Variants in KLK3 observed in about 807,000 individuals in gnomAD.
The protein encoded by KLK3 is kallikrein related peptidase 3.
KLK3 carries 23 observed loss-of-function variants against 27.7 expected under a neutral mutation model. The ratio of observed to expected loss-of-function variants is 0.83; its 90% CI spans 0.60 to 1.17. The LOEUF (loss-of-function observed/expected upper bound fraction) is 1.17, where lower values mean the gene tolerates loss of function less well. Ranked by LOEUF, KLK3 falls within the 50% of genes most tolerant of loss-of-function variation. KLK3 has a pLI of 0.00. For synonymous variants in KLK3, 142 were observed against 134.2 expected, an observed-to-expected ratio of 1.06 and a Z score of -0.40; for missense variants, 322 against 338.1, an observed-to-expected ratio of 0.95 and a Z score of 0.37.
At position 50,860,053 on chromosome 19, in the gene KLK3, G is replaced by A. The variant is rs372901531; in HGVS notation, c.712G>A (p.Glu238Lys). ...SWGSEPCALPERPSLYTKVVH... is the reference protein window; with the variant it reads ...SWGSEPCALPKRPSLYTKVVH... ...GGGCAGTGAACCATGTGCCCTGCCC[G>A]AAAGGCCTTCCCTGTACACCAAGGT... is the stretch of plus-strand genomic sequence containing the variant. The change falls in exon 5 of 5, where the codon GAA becomes AAA. Residue 238 changes from glutamate (E) to lysine (K), a missense_variant. Physicochemically the swap from Glu to Lys is moderately conservative, Grantham distance 56 (BLOSUM62 1). Transcript: ENST00000326003. The A allele has an allele frequency of 3.3e-5, 54 of 1,614,076 alleles. No homozygotes were observed. In the South Asian group the frequency reaches 3.5e-4, roughly 11 times the overall value.
chr19:50,856,489 A>G, intron 2 of KLK3, 90 bp downstream of exon 2: 2 of 1,490,190 alleles, frequency 1.3e-6, no homozygotes, highest in Non-Finnish European at 1.8e-6. Context: ...CTCTAAGGCC[A>G]GCCTTGGGAC....
At chr19:50,858,360 G>A (rs778302058) in intron 3 of KLK3, 45 bp downstream of exon 3, 18 of 1,603,094 alleles carry the variant, frequency 1.1e-5, no homozygotes, top group Non-Finnish European at 1.5e-5. Context: ...AGATGCCTGG[G>A]TCTGAGGGAG....
At chr19:50,857,696 T>G (rs191988185) in intron 2 of KLK3, 24 of 221,514 alleles carry the variant, frequency 1.1e-4, no homozygotes, top group Admixed American at 5.4e-4. Context: ...CCATGTCTGT[T>G]TCTCTATGTT....
chr19:50,859,042 A>G (rs531342101), intron 4 of KLK3: 62 of 246,660 alleles, frequency 2.5e-4, no homozygotes, highest in Admixed American at 7.9e-4. Context: ...GACATCCTGC[A>G]GAAGGCGGGA....
At chr19:50,858,946 G>C (rs142342538) in intron 4 of KLK3, 42 of 440,150 alleles carry the variant, frequency 9.5e-5, no homozygotes, top group African/African-American at 7.9e-4. Context: ...CAGGAACAGG[G>C]ACCACAACAC....
In KLK3 at chr19:50,859,676, A is replaced by G. The variant is rs1599996100; in HGVS notation, c.631-296A>G. On this transcript the variant is annotated intron_variant, in intron 4 of 4. Coordinates refer to ENST00000326003, the MANE Select transcript of KLK3 (RefSeq NM_001648.2). ...GAGCCACGGGGACAGCATCCTGCAG[A>G]TGGTCCTGGCCCTTGTCCCACCGAC... 6.2e-6 allele frequency: 10 copies of G among 1,602,000 alleles called. No homozygotes were observed. In the East Asian group the frequency reaches 2.2e-4, roughly 36 times the overall value.
intron 2 of KLK3, 69 bp downstream of exon 2, chr19:50,856,468 C>T (rs2123457521): frequency 1.3e-6 from 2 of 1,555,060 alleles, no homozygotes; most frequent in Non-Finnish European, 8.7e-7. Flanking sequence ...GGGCATTTTC[C>T]CCAGGATAAC....
intron 2 of KLK3, chr19:50,857,760 T>G (rs1388863267): frequency 4.9e-6 from 2 of 404,988 alleles, no homozygotes; most frequent in Non-Finnish European, 8.8e-6. Flanking sequence ...TTTGTCACTG[T>G]TCTCCCCTCT....
In KLK3 at chr19:50,856,335, G is replaced by A. The variant is rs149709822; in HGVS notation, c.142G>A (p.Ala48Thr). The change falls in exon 2 of 5, where the codon GCA becomes ACA. Residue 48 changes from alanine to threonine, a missense_variant. Ala to Thr is a moderately conservative substitution (Grantham distance 58). Coordinates refer to ENST00000326003, the MANE Select transcript of KLK3 (RefSeq NM_001648.2). ...GGTGCTTGTGGCCTCTCGTGGCAGGGCAGTCTGCGGCGGTGTTCTGGTGCA... is the reference window on the plus strand; with the variant it reads ...GGTGCTTGTGGCCTCTCGTGGCAGGACAGTCTGCGGCGGTGTTCTGGTGCA... ...WQVLVASRGR[A>T]VCGGVLVHPQ... The A allele has an allele frequency of 4.4e-5, 71 of 1,613,594 alleles. No individual in the cohort carries two copies. In the African/African-American group the frequency reaches 8.9e-4, roughly 20 times the overall value.
chr19:50,858,413 A>T (rs1245692328), intron 3 of KLK3, 46 bp from the exon 4 acceptor site: 1 of 1,612,210 alleles, frequency 6.2e-7, no homozygotes, highest in Non-Finnish European at 8.5e-7. Flanking sequence ...GGGCCAAGGA[A>T]CCAGGTGGGG....
rs2090178399 is a variant in KLK3, at chr19:50,860,429, A to G, written c.*302A>G. ...GGTACAGAGATGAAAGAGGGGTGGG[A>G]TCCACACTGAGAGAGTGGAGAGTGA... is the stretch of plus-strand genomic sequence containing the variant. On this transcript the variant is annotated 3_prime_UTR_variant, in exon 5 of 5. Transcript: ENST00000326003. The G allele has an allele frequency of 3.8e-6, 1 of 264,460 alleles. No homozygotes were observed. The highest frequency in any genetic ancestry group is 2.2e-5 in the African/African-American group (1 of 45,664). 16.4% of individuals were successfully genotyped at this position (264,460 alleles called of 1,614,324 possible). A position where few individuals can be genotyped will look rare whatever the true frequency, so the allele number is the denominator to read the frequency against.
At chr19:50,859,450 C>T in intron 4 of KLK3, 1 of 1,183,782 alleles carries the variant, frequency 8.4e-7, no homozygotes, top group Non-Finnish European at 1.3e-6. Flanking sequence ...ATTGTCCCCA[C>T]CTGGGCCCTT....
chr19:50,857,839 G>T, intron 2 of KLK3, 190 bp from the exon 3 acceptor site: 2 of 586,348 alleles, frequency 3.4e-6, no homozygotes, highest in Non-Finnish European at 6.0e-6. Context: ...TTCTGTATCT[G>T]CCCTTCACCC....
intron 4 of KLK3, chr19:50,859,731 T>C: frequency 6.5e-7 from 1 of 1,531,248 alleles, no homozygotes; most frequent in Non-Finnish European, 8.8e-7. Context: ...TCGTGGACCC[T>C]CCCCTCTGCA....
intron 2 of KLK3, 26 bp from the exon 3 acceptor site, chr19:50,858,003 C>T: frequency 1.3e-6 from 2 of 1,587,228 alleles, no homozygotes; most frequent in Non-Finnish European, 1.7e-6. Context: ...CCTCGCTCCT[C>T]ATTCCTGCGT....
chr19:50,857,571 C>T (rs997649868), intron 2 of KLK3: 10 of 159,508 alleles, frequency 6.3e-5, no homozygotes, highest in African/African-American at 2.4e-4. Context: ...TCTATCATCC[C>T]CCGGATTCCT....
intron 4 of KLK3, chr19:50,859,722 C>T (rs1372624441): frequency 3.2e-5 from 50 of 1,546,060 alleles, no homozygotes; most frequent in East Asian, 9.2e-5. Flanking sequence ...GGACTGTCCT[C>T]GTGGACCCTC....
rs777895033 is a variant in KLK3, at chr19:50,858,675, C to A, written c.630+80C>A. 12 of 1,540,300 alleles carry A rather than the reference C, an allele frequency of 7.8e-6. No homozygotes were observed. The African/African-American group carries it at 1.5e-4, about 19-fold the overall frequency. On this transcript the variant is annotated intron_variant, in intron 4 of 4. Coordinates refer to ENST00000326003, the MANE Select transcript of KLK3 (RefSeq NM_001648.2). ...TTCTGGGCTGGGGTCTAGAAGCCAA[C>A]AAGGCGTCTGCCTCCCCTGCTCCCC...
intron 2 of KLK3, 57 bp downstream of exon 2, chr19:50,856,456 C>T (rs1377159272): frequency 1.1e-5 from 17 of 1,577,990 alleles, no homozygotes; most frequent in Admixed American, 3.5e-5. Context: ...GGAATAACAG[C>T]TGGGCATTTT....
Sources: allele counts gnomAD v4.1 joint callset, GRCh38; gene constraint gnomAD v4.1.1; transcripts MANE v1.5; gene names NCBI Gene and HGNC (gene_info 2026-07-23, HGNC 2026-07-21).